The following KIAA0586 variants were observed in gnomAD, a reference collection of about 807,000 sequenced individuals.
The protein encoded by KIAA0586 is protein TALPID3.
KIAA0586 carries 144 observed loss-of-function variants against 169.8 expected under a neutral mutation model. That is an observed-to-expected ratio of 0.85 (90% confidence interval 0.74 to 0.97). The LOEUF is 0.97. KIAA0586 is among the 50% of genes least tolerant of loss of function. The probability of loss-of-function intolerance (pLI) is 0.00; values close to 1 mark genes in which losing one functional copy is unlikely to be tolerated. For synonymous variants in KIAA0586, 625 were observed against 612.4 expected, an observed-to-expected ratio of 1.02 and a Z score of -0.30; for missense variants, 1,854 against 1,823.0, an observed-to-expected ratio of 1.02 and a Z score of -0.31.
chr14:58,429,175 A>G (rs1399615582), intron 1 of KIAA0586, among the ~76,000 whole-genome samples, 188 bp from the exon 2 acceptor site: 1 of 152,210 alleles, frequency 6.6e-6, no homozygotes, highest in African/African-American at 2.4e-5. Context: ...TTATTTTCCC[A>G]AATATCAACT....
At chr14:58,484,915 T>TATATATAA (rs2042320896) in intron 21 of KIAA0586, among the ~76,000 whole-genome samples, 1 of 30,724 alleles carries the variant, frequency 3.3e-5, no homozygotes, top group Admixed American at 4.7e-4. Flanking sequence ...TATATATATA[T>TATATATAA]ATATATATAT....
At chr14:58,490,138 C>A (rs760131989) in intron 24 of KIAA0586, 26 bp from the exon 25 acceptor site, 7 of 1,047,228 alleles carry the variant, frequency 6.7e-6, no homozygotes, top group South Asian at 1.6e-5. Flanking sequence ...TTTTTTTTTT[C>A]TAAACTTTTA....
chr14:58,540,199 G>A, intron 30 of KIAA0586, 63 bp downstream of exon 30: 1 of 883,226 alleles, frequency 1.1e-6, no homozygotes, highest in Non-Finnish European at 1.8e-6. Context: ...ATTTCCTGAT[G>A]ATTCTTTCTC....
intron 21 of KIAA0586, among the ~76,000 whole-genome samples, chr14:58,484,900 A>ATTTTTATATATATATTTT (rs373179400): frequency 1.1e-4 from 1 of 9,166 alleles, no homozygotes. Context: ...TTATATATAT[A>ATTTTTATATATATATTTT]TATATATATA....
intron 21 of KIAA0586, 27 bp from the exon 22 acceptor site, chr14:58,486,980 C>T (rs753788831): frequency 7.5e-5 from 116 of 1,541,122 alleles, no homozygotes; most frequent in Non-Finnish European, 1.0e-4. Context: ...ATTATAAACA[C>T]AGTTTATCTT....
At chr14:58,514,329 A>C (rs1171704855) in intron 29 of KIAA0586, among the ~76,000 whole-genome samples, 2 of 152,164 alleles carry the variant, frequency 1.3e-5, no homozygotes, top group East Asian at 3.9e-4. Context: ...GAAGGAATTC[A>C]ATCCTCTCAT....
intron 21 of KIAA0586, among the ~76,000 whole-genome samples, chr14:58,485,271 A>G (rs899188735): frequency 1.3e-5 from 2 of 151,942 alleles, no homozygotes; most frequent in East Asian, 1.9e-4. Context: ...TCATATACAT[A>G]GAAGAAATAC....
intron 27 of KIAA0586, among the ~76,000 whole-genome samples, chr14:58,501,342 A>G (rs2043555334): frequency 6.6e-6 from 1 of 152,220 alleles, no homozygotes; most frequent in African/African-American, 2.4e-5. Flanking sequence ...GTAGGATTCA[A>G]ATGGCATGAA....
chr14:58,512,764 C>A, intron 29 of KIAA0586, 137 bp downstream of exon 29: 2 of 544,812 alleles, frequency 3.7e-6, no homozygotes, highest in South Asian at 5.9e-5. Context: ...TCATTTAGTC[C>A]ATTTACATGA....
Position 58,427,763 on chromosome 14 carries a change from C to CT in KIAA0586, c.-501dup. The CT allele has an allele frequency of 6.5e-7, 1 of 1,531,016 alleles. No homozygotes were observed. Among genetic ancestry groups the CT allele is most frequent in the Non-Finnish European group, 8.7e-7 (1 of 1,145,142 alleles). The allele number at this position is 1,531,016 out of a possible 1,614,324, so 94.8% of individuals were successfully genotyped here. A position where few individuals can be genotyped will look rare whatever the true frequency, so the allele number is the denominator to read the frequency against. On this transcript the variant is annotated 5_prime_UTR_variant, in exon 1 of 31. Coordinates refer to ENST00000652326, the MANE Select transcript of KIAA0586 (RefSeq NM_001329943.3). ...CACGACGGTGCGGGTCTCGGGCGTT[C>CT]TGGAGATACGTAGGGGTGAATTTAT...
chr14:58,477,422 G>T (rs1213274733), intron 20 of KIAA0586, among the ~76,000 whole-genome samples, 181 bp downstream of exon 20: 1 of 151,942 alleles, frequency 6.6e-6, no homozygotes, highest in Non-Finnish European at 1.5e-5. Flanking sequence ...ATTTCATATT[G>T]CAGCTTTCAG....
At chr14:58,556,717 T>G in the KIAA0586 span, among the ~76,000 whole-genome samples, 15 of 152,184 alleles carry the variant, frequency 9.9e-5, no homozygotes, top group African/African-American at 3.1e-4. Context: ...ATCTGTGATA[T>G]TCATATATAT....
chr14:58,438,974 G>C (rs1378402069), intron 4 of KIAA0586, among the ~76,000 whole-genome samples: 1 of 152,170 alleles, frequency 6.6e-6, no homozygotes, highest in Non-Finnish European at 1.5e-5. Context: ...TTCTAAGCAA[G>C]TAGAAACTGG....
the KIAA0586 span, among the ~76,000 whole-genome samples, chr14:58,558,343 C>A: frequency 6.6e-6 from 1 of 152,212 alleles, no homozygotes; most frequent in East Asian, 1.9e-4. Flanking sequence ...TTTTGTAGAT[C>A]TTTTGAAATG....
At chr14:58,543,145 A>G (rs1030197334) in intron 30 of KIAA0586, among the ~76,000 whole-genome samples, 5 of 151,266 alleles carry the variant, frequency 3.3e-5, no homozygotes, top group Admixed American at 3.3e-4. Flanking sequence ...AAAAAAAAAA[A>G]AAGAAAAGAA....
intron 26 of KIAA0586, among the ~76,000 whole-genome samples, chr14:58,495,488 G>A (rs2043104994): frequency 6.6e-6 from 1 of 151,890 alleles, no homozygotes. Context: ...TGCAGAGACG[G>A]GGTCTCACTA....
intron 19 of KIAA0586, among the ~76,000 whole-genome samples, chr14:58,475,215 G>A (rs909251448): frequency 6.6e-6 from 1 of 152,202 alleles, no homozygotes; most frequent in Admixed American, 6.5e-5. Context: ...GAGCATTACT[G>A]CCTGAGCTCC....
At chr14:58,519,901 C>T (rs973016242) in intron 29 of KIAA0586, among the ~76,000 whole-genome samples, 3 of 152,176 alleles carry the variant, frequency 2.0e-5, no homozygotes, top group Non-Finnish European at 4.4e-5. Context: ...TCATTACAAT[C>T]ATTTTTCCAT....
chr14:58,498,696 G>A, intron 26 of KIAA0586, 87 bp from the exon 27 acceptor site: 2 of 1,117,816 alleles, frequency 1.8e-6, no homozygotes, highest in East Asian at 2.6e-5. Flanking sequence ...GGAGTCAAAG[G>A]GTATTGTTCA....
Sources: gnomAD v4.1 joint callset for allele counts (sites outside exome capture counted in the v4.1 genomes callset) on GRCh38, gnomAD v4.1.1 for gene constraint, MANE v1.5 for transcripts, NCBI Gene and HGNC (gene_info 2026-07-23, HGNC 2026-07-21) for gene names.